Variants in GABRB2 observed in about 807,000 individuals in gnomAD.
The protein encoded by GABRB2 is gamma-aminobutyric acid receptor subunit beta-2.
A neutral mutation model predicts 54.7 loss-of-function variants in GABRB2; 16 were observed. That is an observed-to-expected ratio of 0.29 (90% CI 0.20 to 0.44). The LOEUF is 0.44. Among genes scored for constraint, GABRB2 ranks in the 20% least tolerant of loss-of-function variants. The probability of loss-of-function intolerance (pLI) is 1.00; values close to 1 mark genes in which losing one functional copy is unlikely to be tolerated. For missense variants in GABRB2, 355 were observed against 644.0 expected (o/e 0.55, Z 4.86); for synonymous variants, 244 against 233.8 (o/e 1.04, Z -0.40).
chr5:161,515,275 AT>A (rs201574781), intron 3 of GABRB2, among the ~76,000 whole-genome samples: 1 of 151,328 alleles, frequency 6.6e-6, no homozygotes, highest in Non-Finnish European at 1.5e-5. Flanking sequence ...GGGAATTAGA[AT>A]TTTTTAAAAA....
At chr5:161,381,592 AG>A (rs1014568516) in intron 5 of GABRB2, among the ~76,000 whole-genome samples, 3 of 152,118 alleles carry the variant, frequency 2.0e-5, no homozygotes, top group Non-Finnish European at 4.4e-5. Context: ...TTTATTCTGA[AG>A]GGGGTGAGTG....
At chr5:161,518,564 A>G (rs1760021286) in intron 3 of GABRB2, among the ~76,000 whole-genome samples, 1 of 152,244 alleles carries the variant, frequency 6.6e-6, no homozygotes, top group African/African-American at 2.4e-5. Flanking sequence ...ACCCCAACAT[A>G]AAACAAGTTT....
chr5:161,356,008 A>G (rs1441064813), intron 5 of GABRB2, among the ~76,000 whole-genome samples: 1 of 152,130 alleles, frequency 6.6e-6, no homozygotes, highest in Non-Finnish European at 1.5e-5. Context: ...AGTTTCTCCA[A>G]CATTAGAGGG....
At chr5:161,366,904 C>T (rs1048086374) in intron 5 of GABRB2, among the ~76,000 whole-genome samples, 2 of 152,090 alleles carry the variant, frequency 1.3e-5, no homozygotes, top group African/African-American at 2.4e-5. Flanking sequence ...TCCGAGATCG[C>T]ACCAATGCAC....
intron 3 of GABRB2, among the ~76,000 whole-genome samples, chr5:161,531,548 G>T (rs1418724018): frequency 6.6e-6 from 1 of 151,876 alleles, no homozygotes; most frequent in Non-Finnish European, 1.5e-5. Context: ...CTCTACAGAG[G>T]TTTAGACTCT....
At chr5:161,451,550 T>C (rs1757787477) in intron 4 of GABRB2, among the ~76,000 whole-genome samples, 1 of 152,190 alleles carries the variant, frequency 6.6e-6, no homozygotes, top group Non-Finnish European at 1.5e-5. Context: ...TTTTGCCTAT[T>C]TCTCATTAAA....
intron 9 of GABRB2, among the ~76,000 whole-genome samples, chr5:161,311,466 G>A (rs1304390903): frequency 6.6e-6 from 1 of 152,176 alleles, no homozygotes. Flanking sequence ...GTGACCCTGA[G>A]CAAGTCACTG....
chr5:161,417,860 A>C (rs1032854049), intron 4 of GABRB2, among the ~76,000 whole-genome samples: 1 of 152,172 alleles, frequency 6.6e-6, no homozygotes, highest in Non-Finnish European at 1.5e-5. Context: ...TAAAATCTCC[A>C]AGACTCATGC....
intron 9 of GABRB2, among the ~76,000 whole-genome samples, chr5:161,295,274 C>G (rs906741366): frequency 1.2e-4 from 18 of 152,166 alleles, no homozygotes; most frequent in African/African-American, 4.3e-4. Flanking sequence ...GTCAAATCAC[C>G]TCTCTTGGAT....
At chr5:161,460,909 G>T in intron 3 of GABRB2, among the ~76,000 whole-genome samples, 1 of 152,156 alleles carries the variant, frequency 6.6e-6, no homozygotes, top group East Asian at 1.9e-4. Context: ...GAGCAGAGAA[G>T]GAGCCCAAAC....
At chr5:161,547,127 C>A (rs555764835), upstream of GABRB2, 1 of 152,174 alleles carries the variant, frequency 6.6e-6, no homozygotes, top group Non-Finnish European at 1.4e-5. Flanking sequence ...TGGTCTCAGC[C>A]GGACACGGGG....
chr5:161,412,114 C>T (rs1354962446), intron 4 of GABRB2, among the ~76,000 whole-genome samples: 1 of 152,094 alleles, frequency 6.6e-6, no homozygotes, highest in South Asian at 2.1e-4. Flanking sequence ...TTGGGAGAAA[C>T]GATCTATAGC....
chr5:161,470,129 C>A (rs1385173491), intron 3 of GABRB2, among the ~76,000 whole-genome samples: 1 of 151,566 alleles, frequency 6.6e-6, no homozygotes, highest in African/African-American at 2.4e-5. Context: ...CAAACCCTGC[C>A]TATCTTTCAA....
At chr5:161,482,830 C>A (rs556756521) in intron 3 of GABRB2, among the ~76,000 whole-genome samples, 4 of 151,952 alleles carry the variant, frequency 2.6e-5, no homozygotes, top group Admixed American at 1.3e-4. Context: ...GTTGTGAAAA[C>A]TAGGCAGCAA....
intron 4 of GABRB2, among the ~76,000 whole-genome samples, chr5:161,424,582 C>T (rs1477435288): frequency 6.6e-6 from 1 of 152,106 alleles, no homozygotes. Context: ...ACTCAGAAAA[C>T]ATAGGTTCCT....
At chr5:161,457,936 G>A (rs1271625982) in intron 4 of GABRB2, among the ~76,000 whole-genome samples, 2 of 152,138 alleles carry the variant, frequency 1.3e-5, no homozygotes, top group Non-Finnish European at 2.9e-5. Flanking sequence ...GGAGAAACAG[G>A]AAGAGTGCAG....
chr5:161,429,357 A>AAAAAAAAAAAT lies in GABRB2; in HGVS notation c.459-18301_459-18300insATTTTTTTTTT, dbSNP rs1402875797. ...CAAGAATCCGTCTCAAAAAAAAAAA[A>AAAAAAAAAAAT]AGAAAAAGAAAAAAAAAGAAATCCT... On this transcript the variant is annotated intron_variant, in intron 4 of 9. Transcript: ENST00000393959. 2.3e-3 allele frequency among the ~76,000 whole-genome samples: 250 copies of AAAAAAAAAAAT among 108,322 alleles called. 6 individuals carry two copies. The highest frequency in any genetic ancestry group is 8.1e-3 in the African/African-American group (245 of 30,308). 71.1% of individuals were successfully genotyped at this position (108,322 alleles called of 152,430 possible). A position where few individuals can be genotyped will look rare whatever the true frequency, so the allele number is the denominator to read the frequency against.
intron 3 of GABRB2, among the ~76,000 whole-genome samples, chr5:161,473,664 G>A (rs576904166): frequency 6.6e-6 from 1 of 152,078 alleles, no homozygotes; most frequent in East Asian, 1.9e-4. Context: ...CCTCTCTCCT[G>A]CTGCTCTTAC....
intron 9 of GABRB2, among the ~76,000 whole-genome samples, chr5:161,298,997 T>A (rs1198888594): frequency 6.6e-6 from 1 of 152,140 alleles, no homozygotes; most frequent in African/African-American, 2.4e-5. Context: ...GCCACCCAGA[T>A]AATCCCTGCA....
Sources: gnomAD v4.1 joint callset for allele counts (sites outside exome capture counted in the v4.1 genomes callset) on GRCh38, gnomAD v4.1.1 for gene constraint, MANE v1.5 for transcripts, NCBI Gene and HGNC (gene_info 2026-07-23, HGNC 2026-07-21) for gene names.